RANBP2: variants seen among roughly 807,000 people sequenced by gnomAD.
RANBP2 encodes the protein RAN binding protein 2.
Under a neutral mutation model 303.6 loss-of-function variants are expected in RANBP2, and 57 were observed. That is an observed-to-expected ratio of 0.19 (90% CI 0.15 to 0.23). RANBP2 has a LOEUF of 0.23. Among genes scored for constraint, RANBP2 ranks in the 10% least tolerant of loss-of-function variants. The pLI is 1.00. For missense variants in RANBP2, 3,138 were observed against 3,780.8 expected (o/e 0.83, Z 4.46); for synonymous variants, 1,167 against 1,301.5 (o/e 0.90, Z 2.23).
At chr2:108,783,110 A>G (rs1174249390) in intron 28 of RANBP2, among the ~76,000 whole-genome samples, 1 of 151,934 alleles carries the variant, frequency 6.6e-6, no homozygotes, top group Non-Finnish European at 1.5e-5. Context: ...AGGCCAAGGC[A>G]GGCAGATTGC....
the RANBP2 span, among the ~76,000 whole-genome samples, chr2:109,112,851 T>C: frequency 1.3e-5 from 2 of 152,224 alleles, no homozygotes; most frequent in Non-Finnish European, 2.9e-5. Context: ...TTTCTACATA[T>C]GGCTAGCCAG....
chr2:109,667,439 G>T, the RANBP2 span: 1 of 363,800 alleles, frequency 2.7e-6, no homozygotes, highest in Admixed American at 4.8e-5. Context: ...TTAGAGGCAG[G>T]GCTGGAGTCT....
chr2:109,455,260 G>A, the RANBP2 span, among the ~76,000 whole-genome samples: 12 of 152,242 alleles, frequency 7.9e-5, no homozygotes, highest in East Asian at 1.5e-3. Context: ...GCTGGCCTTG[G>A]GGGGAGAAAG....
At chr2:109,008,906 A>AAAAG in the RANBP2 span, among the ~76,000 whole-genome samples, 1 of 150,888 alleles carries the variant, frequency 6.6e-6, no homozygotes, top group Non-Finnish European at 1.5e-5. Context: ...CTCAAAAAAA[A>AAAAG]AAAAGAAAAG....
chr2:108,719,988 G>C, intron 1 of RANBP2: 1 of 985,258 alleles, frequency 1.0e-6, no homozygotes, highest in Non-Finnish European at 1.2e-6. Flanking sequence ...CGCGCACCCC[G>C]TAGTACCCGC....
the RANBP2 span, among the ~76,000 whole-genome samples, chr2:109,150,633 G>A: frequency 1.8e-4 from 27 of 152,210 alleles, no homozygotes; most frequent in Admixed American, 1.6e-3. Flanking sequence ...CTGGTGAATC[G>A]TGGAGCTGGG....
chr2:109,574,432 G>A, the RANBP2 span: 2 of 424,856 alleles, frequency 4.7e-6, no homozygotes, highest in Non-Finnish European at 6.9e-6. Context: ...GTGACAGAGT[G>A]ACTTTATCTC....
At chr2:109,491,401 GTCT>G in the RANBP2 span, among the ~76,000 whole-genome samples, 1 of 152,188 alleles carries the variant, frequency 6.6e-6, no homozygotes, top group Admixed American at 6.5e-5. Context: ...ACGGCTTCAA[GTCT>G]ATATCCCTTG....
At chr2:109,618,431 G>A in the RANBP2 span, 2 of 167,058 alleles carry the variant, frequency 1.2e-5, no homozygotes, top group Non-Finnish European at 2.9e-5. Flanking sequence ...TAGAGATTGA[G>A]TCAATATGTC....
At chr2:108,797,331 A>G in the RANBP2 span, among the ~76,000 whole-genome samples, 3 of 152,202 alleles carry the variant, frequency 2.0e-5, no homozygotes, top group African/African-American at 4.8e-5. Flanking sequence ...GAAGGAGAGC[A>G]TTTTAAGTTG....
chr2:108,794,554 A>G, the RANBP2 span: 15 of 1,609,868 alleles, frequency 9.3e-6, no homozygotes, highest in East Asian at 2.7e-4. Context: ...CTTGCCAACT[A>G]ATACGACCTC....
chr2:109,590,630 C>T, the RANBP2 span, among the ~76,000 whole-genome samples: 3 of 152,058 alleles, frequency 2.0e-5, no homozygotes, highest in Admixed American at 6.6e-5. Context: ...CAAGGTTTCA[C>T]GTCGGTCAGG....
At chr2:109,588,567 C>A in the RANBP2 span, among the ~76,000 whole-genome samples, 1 of 152,006 alleles carries the variant, frequency 6.6e-6, no homozygotes, top group African/African-American at 2.4e-5. Context: ...GATCTTGGCT[C>A]ACTGCAACCT....
chr2:109,437,557 G>A, the RANBP2 span, among the ~76,000 whole-genome samples: 3 of 152,200 alleles, frequency 2.0e-5, no homozygotes, highest in Admixed American at 6.5e-5. Flanking sequence ...GGCCGGCCAC[G>A]TGGGTCTTCC....
At chr2:109,105,660 T>A in the RANBP2 span, among the ~76,000 whole-genome samples, 1 of 152,084 alleles carries the variant, frequency 6.6e-6, no homozygotes, top group Non-Finnish European at 1.5e-5. Context: ...GTTCAAGCGA[T>A]TCTCCTGCTT....
chr2:109,408,432 C>T, the RANBP2 span, among the ~76,000 whole-genome samples: 1 of 152,214 alleles, frequency 6.6e-6, no homozygotes, highest in Non-Finnish European at 1.5e-5. Context: ...TCTGCCCTCC[C>T]GCTCCAGGCT....
At chr2:109,271,407 A>G in the RANBP2 span, among the ~76,000 whole-genome samples, 2 of 152,222 alleles carry the variant, frequency 1.3e-5, no homozygotes, top group African/African-American at 4.8e-5. Flanking sequence ...GAGTAAAAAC[A>G]TTTCACATTT....
At chr2:109,527,946 G>A in the RANBP2 span, among the ~76,000 whole-genome samples, 50 of 152,314 alleles carry the variant, frequency 3.3e-4, 1 homozygote, top group African/African-American at 1.1e-3. Context: ...GCTGGAGGGC[G>A]AGGAGGATGT....
the RANBP2 span, among the ~76,000 whole-genome samples, chr2:109,690,515 A>G: frequency 6.6e-6 from 1 of 152,180 alleles, no homozygotes; most frequent in Non-Finnish European, 1.5e-5. Flanking sequence ...CATTTAGCTT[A>G]GTGATTTAGG....
Sources: gnomAD v4.1 joint callset for allele counts (sites outside exome capture counted in the v4.1 genomes callset) on GRCh38, gnomAD v4.1.1 for gene constraint, MANE v1.5 for transcripts, NCBI Gene and HGNC (gene_info 2026-07-23, HGNC 2026-07-21) for gene names.